ANK3: variants seen among roughly 807,000 people sequenced by gnomAD.
ANK3 encodes the protein ankyrin 3.
Under a neutral mutation model 370.9 loss-of-function variants are expected in ANK3, and 57 were observed. The ratio of observed to expected loss-of-function variants is 0.15; its 90% confidence interval spans 0.12 to 0.19. The LOEUF (loss-of-function observed/expected upper bound fraction) is 0.19, where lower values mean the gene tolerates loss of function less well. ANK3 is among the 10% of genes least tolerant of loss of function. ANK3 has a pLI of 1.00. For synonymous variants in ANK3, 1,929 were observed against 1,946.3 expected (o/e 0.99, Z 0.23); for missense variants, 4,439 against 5,302.1 (o/e 0.84, Z 5.06).
intron 1 of ANK3, among the ~76,000 whole-genome samples, chr10:60,330,672 T>G (rs961475024): frequency 6.6e-6 from 1 of 151,706 alleles, no homozygotes; most frequent in African/African-American, 2.4e-5. Context: ...TTGGGGGGAG[T>G]GTAAATTAGT....
intron 1 of ANK3, among the ~76,000 whole-genome samples, chr10:60,671,389 T>C (rs1241491090): frequency 6.6e-6 from 1 of 152,196 alleles, no homozygotes; most frequent in African/African-American, 2.4e-5. Context: ...TTTTAACTCA[T>C]CCATCTGGGC....
chr10:60,460,431 T>C (rs2064854736), intron 2 of ANK3, among the ~76,000 whole-genome samples: 1 of 152,190 alleles, frequency 6.6e-6, no homozygotes, highest in South Asian at 2.1e-4. Flanking sequence ...GCCAAACAGA[T>C]ACATTTTTCC....
In ANK3 at chr10:60,282,235, A is replaced by C. The variant is rs140761845; in HGVS notation, c.115-2596T>G. ...CATCCCAAACTCCAACATGGAGTAC[A>C]TAACAACAGCGGCTAAAGAAGTTAA... On this transcript the variant is annotated intron_variant, in intron 1 of 43. Transcript: ENST00000280772. Among the ~76,000 whole-genome samples, 9 of 152,298 alleles carry C rather than the reference A, an allele frequency of 5.9e-5. No homozygotes were observed. The East Asian group carries it at 1.5e-3, about 26-fold the overall frequency.
chr10:60,221,766 C>T (rs2097062921), intron 8 of ANK3, among the ~76,000 whole-genome samples: 1 of 152,194 alleles, frequency 6.6e-6, no homozygotes, highest in African/African-American at 2.4e-5. Flanking sequence ...AGAGGGGTTA[C>T]TAAGGCAAAG....
At chr10:60,474,479 A>G (rs1218679420) in intron 2 of ANK3, among the ~76,000 whole-genome samples, 2 of 152,200 alleles carry the variant, frequency 1.3e-5, no homozygotes, top group African/African-American at 4.8e-5. Flanking sequence ...GGTCAGTGAT[A>G]GGAACAATGG....
intron 2 of ANK3, among the ~76,000 whole-genome samples, chr10:60,409,900 C>T (rs1413529554): frequency 3.3e-5 from 5 of 152,162 alleles, no homozygotes; most frequent in Admixed American, 3.3e-4. Context: ...CTGCCACCTC[C>T]CTTTTATCAC....
At chr10:60,235,163 A>G (rs2097309440) in intron 7 of ANK3, among the ~76,000 whole-genome samples, 1 of 152,254 alleles carries the variant, frequency 6.6e-6, no homozygotes, top group South Asian at 2.1e-4. Flanking sequence ...AAGTCAGTAC[A>G]GACTCAGTTT....
upstream of ANK3, among the ~76,000 whole-genome samples, chr10:60,393,006 G>GA (rs1290757959): frequency 6.6e-6 from 1 of 151,848 alleles, no homozygotes; most frequent in African/African-American, 2.4e-5. Context: ...CCTTTCTCAA[G>GA]AAAAAAAGAA....
chr10:60,694,361 G>C (rs1031661578), intron 1 of ANK3, among the ~76,000 whole-genome samples: 9 of 152,140 alleles, frequency 5.9e-5, no homozygotes, highest in Non-Finnish European at 1.2e-4. Context: ...AATCTAGCAA[G>C]GCAGGCCAAC....
chr10:60,408,864 G>T (rs2063505288), intron 2 of ANK3, among the ~76,000 whole-genome samples: 1 of 152,016 alleles, frequency 6.6e-6, no homozygotes, highest in Non-Finnish European at 1.5e-5. Context: ...GCTTTTATAT[G>T]AACTCAACTC....
At chr10:60,060,193 C>T (rs763823214) in intron 40 of ANK3, 2 of 438,658 alleles carry the variant, frequency 4.6e-6, no homozygotes, top group Non-Finnish European at 7.9e-6. Flanking sequence ...GTGCAAACTC[C>T]AATAAAATAG....
chr10:60,040,125 G>A (rs1589124134), intron 43 of ANK3, among the ~76,000 whole-genome samples: 1 of 152,092 alleles, frequency 6.6e-6, no homozygotes, highest in East Asian at 1.9e-4. Context: ...AAAGTCATTG[G>A]CTTTTCTCTT....
At chr10:60,640,140 T>C (rs962604008) in intron 1 of ANK3, among the ~76,000 whole-genome samples, 2 of 152,170 alleles carry the variant, frequency 1.3e-5, no homozygotes, top group African/African-American at 4.8e-5. Flanking sequence ...ATTGTGGCAA[T>C]AATCAATAGC....
intron 2 of ANK3, 30 bp from the exon 3 acceptor site, chr10:60,279,178 C>A: frequency 6.3e-7 from 1 of 1,597,752 alleles, no homozygotes. Context: ...AAGCTCTACT[C>A]AGCAGGTTGA....
At chr10:60,383,807 C>T (rs987973540) in intron 1 of ANK3, among the ~76,000 whole-genome samples, 1 of 152,150 alleles carries the variant, frequency 6.6e-6, no homozygotes, top group Non-Finnish European at 1.5e-5. Context: ...TCTTGCCTGG[C>T]ATCTTAGGGT....
At chr10:60,668,537 C>T (rs535115196) in intron 1 of ANK3, among the ~76,000 whole-genome samples, 1 of 152,112 alleles carries the variant, frequency 6.6e-6, no homozygotes, top group Non-Finnish European at 1.5e-5. Context: ...CCAGGAATTT[C>T]TTAATCATAG....
At chr10:60,229,528 T>C (rs1043211291) in intron 8 of ANK3, among the ~76,000 whole-genome samples, 3 of 152,216 alleles carry the variant, frequency 2.0e-5, no homozygotes, top group Admixed American at 6.5e-5. Context: ...GTTACATTTC[T>C]GGGAAAGCAT....
intron 2 of ANK3, among the ~76,000 whole-genome samples, chr10:60,489,389 TTTTA>T (rs1468455426): frequency 2.4e-4 from 36 of 152,346 alleles, no homozygotes; most frequent in African/African-American, 8.4e-4. Flanking sequence ...TTACATTATA[TTTTA>T]TTTATTATGA....
At chr10:60,341,182 T>C (rs2054204850) in intron 1 of ANK3, among the ~76,000 whole-genome samples, 1 of 152,170 alleles carries the variant, frequency 6.6e-6, no homozygotes, top group Non-Finnish European at 1.5e-5. Flanking sequence ...TACATTGTTA[T>C]TACTAAGCAT....
Sources: allele counts gnomAD v4.1 joint callset (sites outside exome capture counted in the v4.1 genomes callset), GRCh38; gene constraint gnomAD v4.1.1; transcripts MANE v1.5; gene names NCBI Gene and HGNC (gene_info 2026-07-23, HGNC 2026-07-21).